RBM20: variants seen among roughly 807,000 people sequenced by gnomAD.
RBM20 encodes the protein RNA-binding protein 20.
Under a neutral mutation model 110.1 loss-of-function variants are expected in RBM20, and 51 were observed. The ratio of observed to expected loss-of-function variants is 0.46; its 90% CI spans 0.37 to 0.59. RBM20 has a LOEUF of 0.59. RBM20 is among the 20% of genes least tolerant of loss of function. The probability of loss-of-function intolerance (pLI) is 0.00; values close to 1 mark genes in which losing one functional copy is unlikely to be tolerated. For missense variants in RBM20, 1,512 were observed against 1,574.9 expected (o/e 0.96, Z 0.68); for synonymous variants, 589 against 618.2 (o/e 0.95, Z 0.70).
Position 110,675,133 on chromosome 10 carries a change from AG to A in RBM20, c.191+30490del, listed in dbSNP as rs577266105. On this transcript the variant is annotated intron_variant, in intron 1 of 13. Coordinates refer to ENST00000369519, the MANE Select transcript of RBM20 (RefSeq NM_001134363.3). Reference sequence around the variant, plus strand: ...TCTGTGTTTGGGGGAGACTTCATGGAGGTGGGATTTGGGGGAGCCTTGAAGA... The same window carrying A: ...TCTGTGTTTGGGGGAGACTTCATGGAGTGGGATTTGGGGGAGCCTTGAAGA... Among the ~76,000 whole-genome samples the A allele has an allele frequency of 4.5e-3, 683 of 152,230 alleles. 4 individuals carry two copies. The highest frequency in any genetic ancestry group is 6.9e-3 in the Non-Finnish European group (469 of 68,006).
chr10:110,764,802 G>A (rs1424418391), intron 1 of RBM20, among the ~76,000 whole-genome samples: 3 of 152,218 alleles, frequency 2.0e-5, no homozygotes, highest in African/African-American at 7.2e-5. Context: ...CGTCGTGCCA[G>A]GCACCCTGGT....
intron 3 of RBM20, 26 bp from the exon 4 acceptor site, chr10:110,784,315 C>A (rs925334043): frequency 1.3e-6 from 2 of 1,496,190 alleles, no homozygotes; most frequent in African/African-American, 1.4e-5. Context: ...ATTAAGGAGC[C>A]GGTTTCCCTT....
At chr10:110,675,736 C>T (rs1272503605) in intron 1 of RBM20, among the ~76,000 whole-genome samples, 1 of 152,218 alleles carries the variant, frequency 6.6e-6, no homozygotes, top group African/African-American at 2.4e-5. Context: ...CCTGGGCTCA[C>T]ATTCTGGCTC....
At chr10:110,691,081 C>T (rs942063602) in intron 1 of RBM20, among the ~76,000 whole-genome samples, 1 of 152,166 alleles carries the variant, frequency 6.6e-6, no homozygotes, top group African/African-American at 2.4e-5. Context: ...GGATTAGTAT[C>T]CTTATGAGAA....
chr10:110,818,992 T>C (rs957842777), intron 9 of RBM20, among the ~76,000 whole-genome samples: 1 of 152,248 alleles, frequency 6.6e-6, no homozygotes, highest in South Asian at 2.1e-4. Context: ...TGTCCAGTAA[T>C]AACTGGTGAA....
At chr10:110,799,533 G>T (rs1271771472) in intron 6 of RBM20, among the ~76,000 whole-genome samples, 3 of 152,052 alleles carry the variant, frequency 2.0e-5, no homozygotes, top group South Asian at 2.1e-4. Flanking sequence ...CCATTAATCG[G>T]TTACATGTGT....
chr10:110,835,443 C>T (rs1590710295), intron 13 of RBM20: 2 of 150,494 alleles, frequency 1.3e-5, no homozygotes, highest in Admixed American at 6.7e-5. Context: ...TCAAGTGATT[C>T]TCCTGCCTCA....
intron 1 of RBM20, among the ~76,000 whole-genome samples, chr10:110,752,945 A>ATATATATATTT (rs1433992064): frequency 1.0e-4 from 11 of 109,012 alleles, no homozygotes; most frequent in Admixed American, 3.3e-4. Flanking sequence ...ATATATATAT[A>ATATATATATTT]TTTTTTTTTT....
intron 1 of RBM20, among the ~76,000 whole-genome samples, chr10:110,717,017 GT>G (rs1863029962): frequency 6.6e-6 from 1 of 152,052 alleles, no homozygotes; most frequent in African/African-American, 2.4e-5. Flanking sequence ...GGTTGATTGA[GT>G]TTTTTTCATT....
intron 1 of RBM20, among the ~76,000 whole-genome samples, chr10:110,703,099 G>T (rs1298725174): frequency 6.6e-5 from 10 of 151,316 alleles, no homozygotes; most frequent in African/African-American, 1.9e-4. Context: ...TTTAGGCCAG[G>T]TATGGTGGCT....
At chr10:110,817,474 C>T (rs933099519) in intron 9 of RBM20, among the ~76,000 whole-genome samples, 1 of 152,150 alleles carries the variant, frequency 6.6e-6, no homozygotes, top group Non-Finnish European at 1.5e-5. Flanking sequence ...ACTTGTTATT[C>T]GCCCCACCCC....
At chr10:110,726,521 A>G (rs894510572) in intron 1 of RBM20, among the ~76,000 whole-genome samples, 13 of 152,088 alleles carry the variant, frequency 8.5e-5, no homozygotes, top group African/African-American at 3.1e-4. Flanking sequence ...TACCCACTGG[A>G]TATGGGATCA....
At position 110,664,835 on chromosome 10, in the gene RBM20, C is replaced by A. The variant is rs574179872; in HGVS notation, c.191+20190C>A. Among the ~76,000 whole-genome samples the A allele has an allele frequency of 6.6e-5, 10 of 152,170 alleles. No individual in the cohort carries two copies. The East Asian group carries it at 1.9e-3, about 29-fold the overall frequency. On this transcript the variant is annotated intron_variant, in intron 1 of 13. Transcript: ENST00000369519. Reference sequence around the variant, plus strand: ...TATAGGGTGCTGGGGAACCAACTTTCATCCCCTTTGTCTTCCTCCTGTCCT... The same window carrying A: ...TATAGGGTGCTGGGGAACCAACTTTAATCCCCTTTGTCTTCCTCCTGTCCT...
In RBM20 at chr10:110,812,815, G is replaced by T. The variant is rs2135106059; in HGVS notation, c.2418G>T (p.Gly806=). ...CGGATGACTCAGGCAAGGAAGATGG[G>T]CTGGGGCCAAAGGTCACTAGGGCCC... ...PHPDDSGKED[G]LGPKVTRAPE... is the part of the protein sequence containing the mutation. The change falls in exon 9 of 14, where the codon GGG becomes GGT. Residue 806 remains glycine, a synonymous_variant. Coordinates refer to ENST00000369519, the MANE Select transcript of RBM20 (RefSeq NM_001134363.3). 1.9e-6 allele frequency: 3 copies of T among 1,549,850 alleles called. No homozygotes were observed. Among genetic ancestry groups the T allele is most frequent in the Non-Finnish European group, 2.6e-6 (3 of 1,145,840 alleles).
chr10:110,735,232 T>C (rs1344288204), intron 1 of RBM20, among the ~76,000 whole-genome samples: 1 of 152,116 alleles, frequency 6.6e-6, no homozygotes, highest in Non-Finnish European at 1.5e-5. Flanking sequence ...AAAAAATAAA[T>C]AGTATATATA....
At chr10:110,823,896 T>A (rs887625075) in intron 12 of RBM20, among the ~76,000 whole-genome samples, 1 of 151,616 alleles carries the variant, frequency 6.6e-6, no homozygotes, top group South Asian at 2.1e-4. Flanking sequence ...TTTTTTAATT[T>A]TTTTTTTTTT....
intron 1 of RBM20, among the ~76,000 whole-genome samples, chr10:110,767,735 G>T (rs1330134506): frequency 6.6e-6 from 1 of 152,076 alleles, no homozygotes; most frequent in Non-Finnish European, 1.5e-5. Context: ...ACGATGGGCG[G>T]CCGGGCAGAG....
chr10:110,668,644 G>C (rs116548102), intron 1 of RBM20, among the ~76,000 whole-genome samples: 1 of 152,130 alleles, frequency 6.6e-6, no homozygotes, highest in Non-Finnish European at 1.5e-5. Context: ...CCTGCCCAGA[G>C]AGTTTGCGAT....
intron 1 of RBM20, among the ~76,000 whole-genome samples, chr10:110,734,191 T>C (rs1477861785): frequency 6.6e-6 from 1 of 152,208 alleles, no homozygotes; most frequent in Non-Finnish European, 1.5e-5. Flanking sequence ...TAGAATGTCA[T>C]AGAGTGTGAT....
Sources: allele counts gnomAD v4.1 joint callset (sites outside exome capture counted in the v4.1 genomes callset), GRCh38; gene constraint gnomAD v4.1.1; transcripts MANE v1.5; gene names NCBI Gene and HGNC (gene_info 2026-07-23, HGNC 2026-07-21).